SPECC1L: variants seen among roughly 807,000 people sequenced by gnomAD.
SPECC1L encodes cytospin-A.
Under a neutral mutation model 116.8 loss-of-function variants are expected in SPECC1L, and 40 were observed. That is an observed-to-expected ratio of 0.34 (90% CI 0.27 to 0.45). The LOEUF is 0.45. SPECC1L is among the 20% of genes least tolerant of loss of function. SPECC1L has a pLI of 1.00. For missense variants in SPECC1L, 1,110 were observed against 1,373.6 expected (o/e 0.81, Z 3.03); for synonymous variants, 504 against 500.6 (o/e 1.01, Z -0.09).
intron 8 of SPECC1L, among the ~76,000 whole-genome samples, chr22:24,331,834 T>C (rs977384010): frequency 6.6e-6 from 1 of 152,232 alleles, no homozygotes; most frequent in Non-Finnish European, 1.5e-5. Flanking sequence ...ACTTGATTTT[T>C]TTTTAATGTA....
rs1414836666 is a variant in SPECC1L at position 24,296,936 on chromosome 22, C to T, written c.-37-5259C>T. ...AGAACTTTTCCTATGATCTGCACAGCTTTAGAATATCTTTTTTTTTTTTTT... is the reference window on the plus strand; with the variant it reads ...AGAACTTTTCCTATGATCTGCACAGTTTTAGAATATCTTTTTTTTTTTTTT... On this transcript the variant is annotated intron_variant, in intron 2 of 16. Transcript: ENST00000314328. Among the ~76,000 whole-genome samples, 4 of 150,636 alleles carry T rather than the reference C, an allele frequency of 2.7e-5. No individual in the cohort carries two copies. The East Asian group carries it at 7.7e-4, about 29-fold the overall frequency.
At chr22:24,383,435 A>T (rs1206959599) in intron 14 of SPECC1L, among the ~76,000 whole-genome samples, 2 of 152,180 alleles carry the variant, frequency 1.3e-5, no homozygotes, top group African/African-American at 4.8e-5. Context: ...TAATTAAAAT[A>T]GGCATGCCAA....
chr22:24,400,528 CGTTCCTGTACAG>C (rs2042453217), intron 14 of SPECC1L, among the ~76,000 whole-genome samples: 1 of 152,150 alleles, frequency 6.6e-6, no homozygotes, highest in Non-Finnish European at 1.5e-5. Context: ...CTGCTGGGAA[CGTTCCTGTACAG>C]GTATTTGTTT....
At chr22:24,340,603 T>G (rs1288925311) in intron 10 of SPECC1L, among the ~76,000 whole-genome samples, 2 of 152,232 alleles carry the variant, frequency 1.3e-5, no homozygotes, top group Non-Finnish European at 2.9e-5. Flanking sequence ...GTATGAGGCA[T>G]CACTTTGTAA....
chr22:24,329,469 T>C (rs2040894432), intron 7 of SPECC1L, among the ~76,000 whole-genome samples: 1 of 152,238 alleles, frequency 6.6e-6, no homozygotes, highest in African/African-American at 2.4e-5. Flanking sequence ...GTGGCCATGA[T>C]CCATCTTGCC....
chr22:24,367,072 C>T (rs2041783502), intron 13 of SPECC1L, among the ~76,000 whole-genome samples: 1 of 152,154 alleles, frequency 6.6e-6, no homozygotes, highest in African/African-American at 2.4e-5. Context: ...TGCGCACCTG[C>T]AGTCCCAGCT....
intron 3 of SPECC1L, among the ~76,000 whole-genome samples, chr22:24,312,550 C>T (rs1367174380): frequency 6.6e-6 from 1 of 152,052 alleles, no homozygotes; most frequent in Non-Finnish European, 1.5e-5. Context: ...TTTTTTTCCC[C>T]CACATATCTT....
intron 5 of SPECC1L, 195 bp downstream of exon 5, chr22:24,323,113 C>T: frequency 2.0e-6 from 2 of 982,532 alleles, no homozygotes; most frequent in South Asian, 4.7e-5. Flanking sequence ...ATGTCACTTT[C>T]TCTCACTTGT....
At chr22:24,410,711 G>A (rs2042679820) in intron 14 of SPECC1L, among the ~76,000 whole-genome samples, 1 of 152,180 alleles carries the variant, frequency 6.6e-6, no homozygotes, top group Admixed American at 6.5e-5. Context: ...TGCTCAGGGG[G>A]CCACGTTGTT....
Position 24,414,808 on chromosome 22 carries a change from C to G in SPECC1L, c.*185C>G. 1.6e-6 allele frequency: 1 copy of G among 623,436 alleles called. No homozygotes were observed. Among genetic ancestry groups the G allele is most frequent in the Non-Finnish European group, 2.9e-6 (1 of 342,916 alleles). 38.6% of individuals were successfully genotyped at this position (623,436 alleles called of 1,614,324 possible). On this transcript the variant is annotated 3_prime_UTR_variant, in exon 17 of 17. Transcript: ENST00000314328. ...CAGCCGTGTGGCCCACAGCTCCCAC[C>G]AGGGCCCCTCCCACATGACCCGTCC...
rs774963550 is a variant in SPECC1L at position 24,322,475 on chromosome 22, G to T, written c.1495G>T (p.Ala499Ser). 4 of 1,614,012 alleles carry T rather than the reference G, an allele frequency of 2.5e-6. No homozygotes were observed. Among genetic ancestry groups the T allele is most frequent in the South Asian group, 1.1e-5 (1 of 91,068 alleles). The change falls in exon 5 of 17, where the codon GCT becomes TCT. Residue 499 changes from alanine (A) to serine (S), a missense_variant. By Grantham distance (99) the Ala-to-Ser change is moderately conservative. This residue lies in a region of SPECC1L where 575 missense variants were observed against 682.4 expected (regional missense o/e 0.84). Transcript: ENST00000314328. Reference protein sequence around the residue: ...MELEQRYMDLAENARFEREQL... With the variant: ...MELEQRYMDLSENARFEREQL... ...ATTAGAGCAACGTTACATGGACCTCGCTGAGAATGCCCGTTTTGAACGGGA... is the reference window on the plus strand; with the variant it reads ...ATTAGAGCAACGTTACATGGACCTCTCTGAGAATGCCCGTTTTGAACGGGA...
At chr22:24,300,844 C>A (rs1170213730) in intron 2 of SPECC1L, among the ~76,000 whole-genome samples, 2 of 152,134 alleles carry the variant, frequency 1.3e-5, no homozygotes, top group Non-Finnish European at 2.9e-5. Flanking sequence ...TTCGACAAAC[C>A]TGACAAAAAT....
At chr22:24,304,780 G>T (rs1366724195) in intron 3 of SPECC1L, among the ~76,000 whole-genome samples, 1 of 152,138 alleles carries the variant, frequency 6.6e-6, no homozygotes, top group Non-Finnish European at 1.5e-5. Flanking sequence ...TTTGTTAATT[G>T]TATGAACAAT....
At chr22:24,364,025 G>A (rs964760218) in intron 12 of SPECC1L, among the ~76,000 whole-genome samples, 34 of 152,304 alleles carry the variant, frequency 2.2e-4, no homozygotes, top group Admixed American at 1.9e-3. Flanking sequence ...AGGAATGATA[G>A]AGTTAATGGC....
chr22:24,299,562 T>G (rs1970635), intron 2 of SPECC1L, among the ~76,000 whole-genome samples: 141 of 152,320 alleles, frequency 9.3e-4, no homozygotes, highest in African/African-American at 3.4e-3. Flanking sequence ...TTGACTGTGT[T>G]TCTTTTCTCC....
intron 2 of SPECC1L, among the ~76,000 whole-genome samples, chr22:24,298,736 C>T (rs1045758365): frequency 2.0e-5 from 3 of 152,214 alleles, no homozygotes; most frequent in Admixed American, 2.0e-4. Flanking sequence ...TCTTACTTAG[C>T]CTTTTTGTTT....
chr22:24,326,355 C>CA (rs1185694607), intron 6 of SPECC1L, among the ~76,000 whole-genome samples: 1 of 152,176 alleles, frequency 6.6e-6, no homozygotes, highest in African/African-American at 2.4e-5. Context: ...GTCTTATGTC[C>CA]AAAACCCTGA....
At chr22:24,396,550 G>A (rs761561244) in intron 14 of SPECC1L, among the ~76,000 whole-genome samples, 12 of 151,870 alleles carry the variant, frequency 7.9e-5, no homozygotes, top group African/African-American at 1.2e-4. Context: ...CACCCATCTC[G>A]GCCTCCCAAA....
At chr22:24,411,518 C>T (rs1011780342) in intron 14 of SPECC1L, 70 bp from the exon 15 acceptor site, 8 of 1,397,788 alleles carry the variant, frequency 5.7e-6, no homozygotes, top group South Asian at 1.2e-5. Context: ...AGGCCTCCTG[C>T]GTCCTCCTTG....
Sources: gnomAD v4.1 joint callset for allele counts (sites outside exome capture counted in the v4.1 genomes callset) on GRCh38, gnomAD v4.1.1 for gene constraint, gnomAD v4.1.1 regional missense constraint, MANE v1.5 for transcripts, NCBI Gene and HGNC (gene_info 2026-07-23, HGNC 2026-07-21) for gene names.